Variants in SLIT3 observed in about 807,000 individuals in gnomAD.
SLIT3 encodes slit homolog 3 protein.
Under a neutral mutation model 184.0 loss-of-function variants are expected in SLIT3, and 68 were observed. The observed-to-expected ratio is 0.37, with a 90% CI of 0.30 to 0.45. The LOEUF (loss-of-function observed/expected upper bound fraction) is 0.45, where lower values mean the gene tolerates loss of function less well. Ranked by LOEUF, SLIT3 falls within the 20% of genes least tolerant of loss-of-function variation. SLIT3 has a pLI of 1.00. For synonymous variants in SLIT3, 831 were observed against 828.6 expected, an observed-to-expected ratio of 1.00 and a Z score of -0.05; for missense variants, 1,707 against 2,026.0, an observed-to-expected ratio of 0.84 and a Z score of 3.02.
intron 4 of SLIT3, among the ~76,000 whole-genome samples, chr5:169,115,321 G>A (rs762532116): frequency 1.3e-4 from 20 of 152,248 alleles, no homozygotes; most frequent in Non-Finnish European, 2.9e-4. Flanking sequence ...GTCCATCAAG[G>A]AAAGCTCAAG....
At chr5:168,942,505 T>G (rs1762361448) in intron 4 of SLIT3, among the ~76,000 whole-genome samples, 1 of 152,250 alleles carries the variant, frequency 6.6e-6, no homozygotes, top group Non-Finnish European at 1.5e-5. Flanking sequence ...TCTATGCACA[T>G]TTCTTTCTGG....
chr5:169,092,740 T>A (rs761037207), intron 4 of SLIT3, among the ~76,000 whole-genome samples: 1 of 152,224 alleles, frequency 6.6e-6, no homozygotes, highest in Non-Finnish European at 1.5e-5. Flanking sequence ...GTGGTGGCAG[T>A]GCCCTTCTCT....
chr5:168,745,917 G>C (rs4379215), intron 20 of SLIT3, among the ~76,000 whole-genome samples: 67,735 of 151,890 alleles, frequency 0.45, 15,753 homozygotes, highest in East Asian at 0.55. Flanking sequence ...CAAGACCCCC[G>C]ACTAGGAAAA....
At chr5:169,227,951 C>T (rs1178717739) in intron 3 of SLIT3, among the ~76,000 whole-genome samples, 1 of 152,170 alleles carries the variant, frequency 6.6e-6, no homozygotes, top group East Asian at 1.9e-4. Flanking sequence ...CAGGTGGGGG[C>T]ACTCTGCAAT....
chr5:169,224,267 G>A (rs1160026004), intron 3 of SLIT3, among the ~76,000 whole-genome samples: 2 of 151,976 alleles, frequency 1.3e-5, no homozygotes, highest in African/African-American at 4.8e-5. Flanking sequence ...GAAATTAGAT[G>A]GCATATAGAA....
At chr5:168,690,014 A>T (rs916451133) in intron 29 of SLIT3, among the ~76,000 whole-genome samples, 2 of 152,212 alleles carry the variant, frequency 1.3e-5, no homozygotes, top group Non-Finnish European at 2.9e-5. Context: ...AACTCAAGGA[A>T]CTTTAGTTAC....
chr5:168,823,588 A>T (rs1428326444), intron 6 of SLIT3, among the ~76,000 whole-genome samples: 1 of 152,174 alleles, frequency 6.6e-6, no homozygotes, highest in Non-Finnish European at 1.5e-5. Flanking sequence ...GAGTAAGAGT[A>T]TCGCTTCCTG....
intron 6 of SLIT3, among the ~76,000 whole-genome samples, chr5:168,840,150 C>T (rs759753789): frequency 6.6e-6 from 1 of 152,188 alleles, no homozygotes; most frequent in African/African-American, 2.4e-5. Context: ...TATCTATGGA[C>T]CTGTTGGGAT....
intron 20 of SLIT3, among the ~76,000 whole-genome samples, chr5:168,746,686 T>C (rs1301511055): frequency 8.2e-4 from 34 of 41,528 alleles, no homozygotes; most frequent in African/African-American, 4.1e-3. Flanking sequence ...TGGTGGTGTG[T>C]GGTGGTGTGG....
At chr5:168,893,509 G>T (rs190014628) in intron 4 of SLIT3, among the ~76,000 whole-genome samples, 2 of 152,224 alleles carry the variant, frequency 1.3e-5, no homozygotes, top group East Asian at 3.9e-4. Context: ...GGGGAGGAGA[G>T]GGGGAGGCAA....
chr5:168,666,587 C>G lies in SLIT3; in HGVS notation c.4439G>C (p.Gly1480Ala). ...ASKVPIMECR[G>A]GCGPQCCQPT... ...CTGGCAGCACTGGGGCCCACAGCCC[C>G]CACGACATTCCATGATGGGCACCTT... The change falls in exon 36 of 36, where the codon GGG becomes GCG. Residue 1480 changes from glycine (G) to alanine (A), a missense_variant. This residue lies in a region of SLIT3 where 387 missense variants were observed against 477.9 expected (regional missense o/e 0.81). Transcript: ENST00000519560. 6.2e-7 allele frequency: 1 copy of G among 1,614,190 alleles called. No homozygotes were observed. Among genetic ancestry groups the G allele is most frequent in the Non-Finnish European group, 8.5e-7 (1 of 1,180,036 alleles).
intron 4 of SLIT3, among the ~76,000 whole-genome samples, chr5:168,981,482 C>T (rs1191932263): frequency 1.3e-5 from 2 of 152,152 alleles, no homozygotes; most frequent in Non-Finnish European, 2.9e-5. Context: ...GTTCCATGCG[C>T]AGAGCCTCCC....
At position 168,723,001 on chromosome 5, in the gene SLIT3, G is replaced by A. The variant is rs372505355; in HGVS notation, c.2343C>T (p.Asp781=). 1.2e-5 allele frequency: 20 copies of A among 1,613,338 alleles called. No homozygotes were observed. Among genetic ancestry groups the A allele is most frequent in the Non-Finnish European group, 1.4e-5 (17 of 1,179,422 alleles). Residue 781 remains aspartate (D), a synonymous_variant, in exon 22 of 36, where the codon GAC becomes GAT. Coordinates refer to ENST00000519560, the MANE Select transcript of SLIT3 (RefSeq NM_003062.4). ...GCATGCTGATGCTGTTGTTGCTCAG[G>A]TCACTAGGAAAAGTAAAACAGAGGG... ...LSALRHLTLI[D]LSNNSISMLT... is the part of the protein sequence containing the mutation.
At chr5:169,258,001 T>C (rs566418926) in intron 1 of SLIT3, among the ~76,000 whole-genome samples, 1 of 152,320 alleles carries the variant, frequency 6.6e-6, no homozygotes, top group Admixed American at 6.5e-5. Flanking sequence ...CTGAGGACTT[T>C]GTGTTCATTT....
At chr5:169,269,128 G>A (rs951293768) in intron 1 of SLIT3, among the ~76,000 whole-genome samples, 1 of 152,192 alleles carries the variant, frequency 6.6e-6, no homozygotes, top group Non-Finnish European at 1.5e-5. Context: ...AAGGTGCCCA[G>A]CTTGTCTCCT....
chr5:168,794,936 C>T (rs541466400), intron 10 of SLIT3, among the ~76,000 whole-genome samples: 2 of 152,310 alleles, frequency 1.3e-5, no homozygotes, highest in South Asian at 4.1e-4. Context: ...CACCCTCCCA[C>T]CATCACTGAT....
Position 169,028,244 on chromosome 5 carries a change from G to GAAA in SLIT3, c.414-144911_414-144909dup, listed in dbSNP as rs113331358. Among the ~76,000 whole-genome samples, 201 of 147,884 alleles carry GAAA rather than the reference G, an allele frequency of 1.4e-3. 2 individuals carry two copies. Among genetic ancestry groups the GAAA allele is most frequent in the African/African-American group, 4.7e-3 (192 of 40,556 alleles). On this transcript the variant is annotated intron_variant, in intron 4 of 35. Coordinates refer to ENST00000519560, the MANE Select transcript of SLIT3 (RefSeq NM_003062.4). The stretch of plus-strand genomic sequence containing the variant: ...CCAAATGTTTGGTTATTAGTGATGG[G>GAAA]AAAAAAAAAAAATCTGTGAATTATG...
At chr5:169,121,180 G>C (rs1159873640) in intron 4 of SLIT3, among the ~76,000 whole-genome samples, 1 of 152,184 alleles carries the variant, frequency 6.6e-6, no homozygotes, top group Non-Finnish European at 1.5e-5. Context: ...CCCTCCAGGA[G>C]ACATCAGGAG....
chr5:168,951,379 AG>A (rs1762647037), intron 4 of SLIT3, among the ~76,000 whole-genome samples: 1 of 152,210 alleles, frequency 6.6e-6, no homozygotes, highest in Admixed American at 6.5e-5. Context: ...AACAGTCACA[AG>A]GAGAAAAATT....
Sources: gnomAD v4.1 joint callset for allele counts (sites outside exome capture counted in the v4.1 genomes callset) on GRCh38, gnomAD v4.1.1 for gene constraint, gnomAD v4.1.1 regional missense constraint, MANE v1.5 for transcripts, NCBI Gene and HGNC (gene_info 2026-07-23, HGNC 2026-07-21) for gene names.